TFEB: variants seen among roughly 807,000 people sequenced by gnomAD.
TFEB encodes T-cell transcription factor EB.
TFEB carries 12 observed loss-of-function variants against 48.0 expected under a neutral mutation model. That is an observed-to-expected ratio of 0.25 (90% confidence interval 0.16 to 0.40). The LOEUF (loss-of-function observed/expected upper bound fraction) is 0.40, where lower values mean the gene tolerates loss of function less well. Ranked by LOEUF, TFEB falls within the 10% of genes least tolerant of loss-of-function variation. TFEB has a pLI of 1.00. For missense variants in TFEB, 509 were observed against 640.3 expected (o/e 0.79, Z 2.21); for synonymous variants, 244 against 261.4 (o/e 0.93, Z 0.64).
chr6:41,715,168 T>C (rs1233248034), intron 1 of TFEB, among the ~76,000 whole-genome samples: 1 of 152,102 alleles, frequency 6.6e-6, no homozygotes. Context: ...TGACGAAGAA[T>C]CTGAAAACCA....
In TFEB at chr6:41,697,912, G is replaced by C. The variant is rs117071693; in HGVS notation, c.-22-6677C>G. Among the ~76,000 whole-genome samples the C allele has an allele frequency of 4.9e-3, 740 of 152,218 alleles. 50 individuals carry two copies. The East Asian group carries it at 0.12, about 25-fold the overall frequency. On this transcript the variant is annotated intron_variant, in intron 1 of 8. Transcript: ENST00000373033. ...AAAAATATGTATAGAAAAACCTCTT[G>C]GGAGGAAATATACAAAATTATTACT...
At chr6:41,728,688 G>A (rs955110494) in intron 1 of TFEB, among the ~76,000 whole-genome samples, 6 of 152,120 alleles carry the variant, frequency 3.9e-5, no homozygotes, top group South Asian at 2.1e-4. Flanking sequence ...GGGGAGGGGG[G>A]GTTGGGGGAG....
intron 1 of TFEB, among the ~76,000 whole-genome samples, chr6:41,704,165 C>T (rs886813317): frequency 6.6e-6 from 1 of 152,176 alleles, no homozygotes; most frequent in Non-Finnish European, 1.5e-5. Context: ...CCAGGACTAC[C>T]CTTGCAGTTC....
intron 1 of TFEB, among the ~76,000 whole-genome samples, chr6:41,696,192 T>C (rs560117621): frequency 6.6e-6 from 1 of 152,354 alleles, no homozygotes; most frequent in South Asian, 2.1e-4. Flanking sequence ...AGGCCTGAAC[T>C]GCCTTGGGGA....
At chr6:41,707,466 C>T (rs1217967550) in intron 1 of TFEB, among the ~76,000 whole-genome samples, 1 of 152,216 alleles carries the variant, frequency 6.6e-6, no homozygotes, top group Non-Finnish European at 1.5e-5. Context: ...CTTGGCGTGC[C>T]TGCCTGTGGC....
At chr6:41,715,627 G>A (rs545916780) in intron 1 of TFEB, among the ~76,000 whole-genome samples, 7 of 151,192 alleles carry the variant, frequency 4.6e-5, no homozygotes, top group South Asian at 4.2e-4. Flanking sequence ...CCGAGATCAC[G>A]CTACTGCACT....
intron 1 of TFEB, among the ~76,000 whole-genome samples, chr6:41,710,669 G>A (rs573872922): frequency 3.3e-5 from 5 of 152,074 alleles, no homozygotes; most frequent in South Asian, 2.1e-4. Flanking sequence ...AAGTCCAAGC[G>A]CTCTAGTTGG....
At chr6:41,728,839 G>A (rs1771329179) in intron 1 of TFEB, among the ~76,000 whole-genome samples, 1 of 152,116 alleles carries the variant, frequency 6.6e-6, no homozygotes, top group Non-Finnish European at 1.5e-5. Context: ...CGAGGCCCCT[G>A]GGTGTCAGCT....
intron 1 of TFEB, among the ~76,000 whole-genome samples, chr6:41,726,339 C>T (rs1771206556): frequency 6.6e-6 from 1 of 152,194 alleles, no homozygotes; most frequent in South Asian, 2.1e-4. Context: ...GATTATCGTA[C>T]AGTCAGGATA....
chr6:41,731,159 C>T (rs1360224259), intron 1 of TFEB, among the ~76,000 whole-genome samples: 1 of 152,200 alleles, frequency 6.6e-6, no homozygotes, highest in East Asian at 1.9e-4. Flanking sequence ...GCATACTCAG[C>T]CCTCACGACA....
Position 41,734,002 on chromosome 6 carries a change from C to T in TFEB, c.-23+1348G>A. On this transcript the variant is annotated intron_variant, in intron 1 of 8. Coordinates refer to ENST00000373033, the MANE Select transcript of TFEB (RefSeq NM_001271944.2). This position sits in a 1 kb window ranked among gnomAD's most constrained non-coding sequence, Gnocchi z 4.0. ...GGTGTCACTGGGGGCCTGCATCCGT[C>T]TTGTCCCTTTCCCTGAGGGATGAAG... is the stretch of plus-strand genomic sequence containing the variant. 2.4e-6 allele frequency: 1 copy of T among 424,168 alleles called. No homozygotes were observed. Among genetic ancestry groups the T allele is most frequent in the East Asian group, 1.6e-4 (1 of 6,328 alleles). The allele number at this position is 424,168 out of a possible 1,614,324, so 26.3% of individuals were successfully genotyped here. A position where few individuals can be genotyped will look rare whatever the true frequency, so the allele number is the denominator to read the frequency against.
chr6:41,689,927 T>TTATCTGG (rs1015415034), intron 3 of TFEB, 116 bp from the exon 4 acceptor site: 37 of 709,560 alleles, frequency 5.2e-5, no homozygotes, highest in Non-Finnish European at 8.8e-5. Context: ...CCCAACCTAC[T>TTATCTGG]TATCTGGGGA....
At position 41,684,604 on chromosome 6, in the gene TFEB, G is replaced by A; in HGVS notation, c.1426C>T (p.Leu476=). ...TGGCACAGGGGCAGCCAGGGTCACA[G>A]CACATCGCCCTCCTCCATGCTGAAG... The part of the protein sequence containing the change: ...SSFSMEEGDV[L] Residue 476 remains leucine, a synonymous_variant, in exon 9 of 9, where the codon CTG becomes TTG. Transcript: ENST00000373033. The A allele has an allele frequency of 1.3e-6, 2 of 1,577,374 alleles. No individual in the cohort carries two copies. The highest frequency in any genetic ancestry group is 1.7e-6 in the Non-Finnish European group (2 of 1,162,266).
chr6:41,734,289 C>T lies in TFEB; in HGVS notation c.-23+1061G>A. 2.1e-6 allele frequency: 2 copies of T among 961,302 alleles called. No homozygotes were observed. Among genetic ancestry groups the T allele is most frequent in the Non-Finnish European group, 2.5e-6 (2 of 808,154 alleles). 59.5% of individuals were successfully genotyped at this position (961,302 alleles called of 1,614,324 possible). ...GCGGGGTTCGCGCAGACAAGCCCCGCCCCGGGCTCCCTCCCTTCCTCACCC... is the reference window on the plus strand; with the variant it reads ...GCGGGGTTCGCGCAGACAAGCCCCGTCCCGGGCTCCCTCCCTTCCTCACCC... On this transcript the variant is annotated intron_variant, in intron 1 of 8. Transcript: ENST00000373033. This position sits in a 1 kb window ranked among gnomAD's most constrained non-coding sequence, Gnocchi z 4.0.
Position 41,684,855 on chromosome 6 carries a change from T to C in TFEB, c.1175A>G (p.His392Arg), listed in dbSNP as rs1451086472. 6.3e-7 allele frequency: 1 copy of C among 1,576,662 alleles called. No individual in the cohort carries two copies. Among genetic ancestry groups the C allele is most frequent in the East Asian group, 2.3e-5 (1 of 43,976 alleles). The change falls in exon 9 of 9, where the codon CAT becomes CGT. Residue 392 changes from histidine to arginine, a missense_variant. This residue lies in a region of TFEB where 168 missense variants were observed against 161.0 expected (regional missense o/e 1.04). Transcript: ENST00000373033. ...CAGGCTGTGGCTGAAGTCCAGGTGATGGAATGGGGATGGTGGCTGGGTGGG... is the reference window on the plus strand; with the variant it reads ...CAGGCTGTGGCTGAAGTCCAGGTGACGGAATGGGGATGGTGGCTGGGTGGG... ...PLPTQPPSPF[H>R]HLDFSHSLSF...
At chr6:41,686,046 T>TTAAG in intron 8 of TFEB, 44 bp downstream of exon 8, 1 of 1,612,742 alleles carries the variant, frequency 6.2e-7, no homozygotes, top group Non-Finnish European at 8.5e-7. Context: ...AGGAGCCAGG[T>TTAAG]TAAGGGTCAG....
intron 7 of TFEB, chr6:41,686,826 T>C (rs1769035054): frequency 1.9e-6 from 1 of 515,880 alleles, no homozygotes; most frequent in South Asian, 2.3e-5. Flanking sequence ...GCCAGCCCAA[T>C]GGCCTTAAGA....
chr6:41,714,783 C>A (rs952019799), intron 1 of TFEB, among the ~76,000 whole-genome samples: 3 of 152,154 alleles, frequency 2.0e-5, no homozygotes, highest in Non-Finnish European at 4.4e-5. Context: ...GCCTCCTCTG[C>A]CCTCCACACC....
intron 1 of TFEB, among the ~76,000 whole-genome samples, chr6:41,707,793 T>A (rs1259010119): frequency 6.6e-6 from 1 of 152,176 alleles, no homozygotes; most frequent in Non-Finnish European, 1.5e-5. Flanking sequence ...CTGAATTGTA[T>A]CCTGTTCCTG....
Sources: allele counts gnomAD v4.1 joint callset (sites outside exome capture counted in the v4.1 genomes callset), GRCh38; gene constraint gnomAD v4.1.1; regional missense constraint gnomAD v4.1.1; non-coding constraint Gnocchi (gnomAD v3.1); transcripts MANE v1.5; gene names NCBI Gene and HGNC (gene_info 2026-07-23, HGNC 2026-07-21).